Variants in PIEZO1 observed in about 807,000 individuals in gnomAD.
PIEZO1 encodes piezo type mechanosensitive ion channel component 1 (Er blood group).
A neutral mutation model predicts 297.2 loss-of-function variants in PIEZO1; 296 were observed. The ratio of observed to expected loss-of-function variants is 1.00; its 90% CI spans 0.91 to 1.10. The LOEUF (loss-of-function observed/expected upper bound fraction) is 1.10, where lower values mean the gene tolerates loss of function less well. PIEZO1 is among the 50% of genes least tolerant of loss of function. PIEZO1 has a pLI of 0.00. For missense variants in PIEZO1, 5,018 were observed against 3,455.5 expected (o/e 1.45, Z -11.34); for synonymous variants, 2,427 against 1,507.5 (o/e 1.61, Z -14.13).
At position 88,716,681 on chromosome 16, in the gene PIEZO1, C is replaced by T. The variant is rs371847339; in HGVS notation, c.6804G>A (p.Ala2268=). The T allele has an allele frequency of 1.0e-3, 1,543 of 1,549,000 alleles. 3 individuals are homozygous for T. The highest frequency in any genetic ancestry group is 1.2e-3 in the Non-Finnish European group (1,418 of 1,146,932). ...GCGCCCCGGAGCTGCCCTCAATCTG[C>T]GCCGTGACGATGTCCTCAGGGCTGT... ...SQYSPEDIVT[A]QIEGSSGALW... is the part of the protein sequence containing the mutation. The change falls in exon 47 of 51, where the codon GCG becomes GCA. Residue 2268 remains alanine, a synonymous_variant. Coordinates refer to ENST00000301015, the MANE Select transcript of PIEZO1 (RefSeq NM_001142864.4).
At position 88,734,902 on chromosome 16, in the gene PIEZO1, G is replaced by A. The variant is rs1224466457; in HGVS notation, c.1821C>T (p.Leu607=). The A allele has an allele frequency of 3.2e-6, 5 of 1,550,288 alleles. No individual in the cohort carries two copies. In the African/African-American group the frequency reaches 5.5e-5, roughly 17 times the overall value. The part of the protein sequence containing the change: ...LVVYKIVYMF[L]FLLCLTLFQV... ...GGAAGAGGGTGAGGCAGAGCAGGAA[G>A]AGGAACATGTAGACAATCTTGTAGA... is the stretch of plus-strand genomic sequence containing the variant. Residue 607 remains leucine (L), a synonymous_variant, in exon 14 of 51, where the codon CTC becomes CTT. Coordinates refer to ENST00000301015, the MANE Select transcript of PIEZO1 (RefSeq NM_001142864.4).
At chr16:88,759,636 C>T (rs1597478928) in intron 1 of PIEZO1, among the ~76,000 whole-genome samples, 1 of 152,228 alleles carries the variant, frequency 6.6e-6, no homozygotes, top group African/African-American at 2.4e-5. Flanking sequence ...TGGGCCTTCC[C>T]TGCCATGACC....
intron 16 of PIEZO1, 146 bp from the exon 17 acceptor site, chr16:88,734,200 G>A: frequency 8.2e-7 from 1 of 1,218,182 alleles, no homozygotes; most frequent in Non-Finnish European, 1.1e-6. Context: ...CACTGTCCCT[G>A]TGACCTCCAC....
rs1397370298 is a variant in PIEZO1, at chr16:88,721,311, G to T, written c.5523C>A (p.His1841Gln). 1.3e-6 allele frequency: 2 copies of T among 1,545,914 alleles called. No homozygotes were observed. The highest frequency in any genetic ancestry group is 2.4e-5 in the East Asian group (1 of 40,928). Residue 1841 changes from histidine (H) to glutamine (Q), a missense_variant, in exon 39 of 51, where the codon CAC becomes CAA. Coordinates refer to ENST00000301015, the MANE Select transcript of PIEZO1 (RefSeq NM_001142864.4). Reference protein sequence around the residue: ...PGVPAATTEDHIQVEARVGPT... With the variant: ...PGVPAATTEDQIQVEARVGPT... ...GTCCGACCCTGGCTTCCACCTGAAT[G>T]TGGTCTTCGGTGGTGGCCGCAGGCA...
Position 88,716,037 on chromosome 16 carries a change from C to A in PIEZO1, c.7212G>T (p.Trp2404Cys), listed in dbSNP as rs1911996775. ...TCCGGCACTCCTGCAGCTCGATGAC[C>A]CACCATTCGAGGAAGCCGGTGGCCC... ...GAGATGFLEW[W>C]VIELQECRTD... The change falls in exon 50 of 51, where the codon TGG (tryptophan) becomes TGT (cysteine). Residue 2404 changes from tryptophan (W) to cysteine (C), a missense_variant. Coordinates refer to ENST00000301015, the MANE Select transcript of PIEZO1 (RefSeq NM_001142864.4). 1 of 1,550,082 alleles carries A rather than the reference C, an allele frequency of 6.5e-7. No homozygotes were observed. The highest frequency in any genetic ancestry group is 1.4e-5 in the African/African-American group (1 of 73,042).
At chr16:88,746,371 C>T (rs528633111) in intron 2 of PIEZO1, among the ~76,000 whole-genome samples, 2 of 152,228 alleles carry the variant, frequency 1.3e-5, no homozygotes, top group Admixed American at 6.5e-5. Context: ...CTTCTGAGTC[C>T]CTAAATGACA....
At chr16:88,765,216 C>T (rs1181782124) in intron 1 of PIEZO1, among the ~76,000 whole-genome samples, 1 of 152,234 alleles carries the variant, frequency 6.6e-6, no homozygotes, top group Admixed American at 6.5e-5. Context: ...AGGAATGCAA[C>T]CTGGCCACCT....
intron 1 of PIEZO1, among the ~76,000 whole-genome samples, chr16:88,778,477 G>A (rs1231909381): frequency 6.6e-6 from 1 of 152,218 alleles, no homozygotes; most frequent in African/African-American, 2.4e-5. Context: ...CTGTAATTAT[G>A]CTATTAAAAC....
rs539005229 is a variant in PIEZO1, at chr16:88,738,323, G to A, written c.752C>T (p.Ala251Val). 361 of 1,535,852 alleles carry A rather than the reference G, an allele frequency of 2.4e-4. No individual in the cohort carries two copies. The highest frequency in any genetic ancestry group is 5.9e-4 in the East Asian group (24 of 40,920). Residue 251 changes from alanine to valine, a missense_variant, in exon 7 of 51, where the codon GCG (alanine) becomes GTG (valine). Coordinates refer to ENST00000301015, the MANE Select transcript of PIEZO1 (RefSeq NM_001142864.4). ...STRGFSRLCV[A>V]VGCFGAGHLI... ...ATGGCCGGCGCCGAAGCACCCCACC[G>A]CGACGCAGAGTCTGCTGAAGCCCCG... is the stretch of plus-strand genomic sequence containing the variant.
At chr16:88,771,691 G>C (rs144902407) in intron 1 of PIEZO1, among the ~76,000 whole-genome samples, 1 of 152,352 alleles carries the variant, frequency 6.6e-6, no homozygotes, top group Non-Finnish European at 1.5e-5. Flanking sequence ...TTGCAGAGGT[G>C]ACACTAGTGG....
chr16:88,722,450 G>C, intron 35 of PIEZO1, 53 bp from the exon 36 acceptor site: 1 of 1,458,210 alleles, frequency 6.9e-7, no homozygotes, highest in East Asian at 2.5e-5. Context: ...CTGACCCCAG[G>C]CTACAGGGAG....
intron 12 of PIEZO1, 84 bp from the exon 13 acceptor site, chr16:88,735,330 A>T: frequency 1.1e-6 from 1 of 937,048 alleles, no homozygotes. Flanking sequence ...CTCCTATAGC[A>T]GGGGGCAAGA....
At position 88,763,654 on chromosome 16, in the gene PIEZO1, G is replaced by C. The variant is rs534912169; in HGVS notation, c.65-14175C>G. Among the ~76,000 whole-genome samples, 3 of 152,328 alleles carry C rather than the reference G, an allele frequency of 2.0e-5. No individual in the cohort carries two copies. In the East Asian group the frequency reaches 5.8e-4, roughly 29 times the overall value. On this transcript the variant is annotated intron_variant, in intron 1 of 50. Coordinates refer to ENST00000301015, the MANE Select transcript of PIEZO1 (RefSeq NM_001142864.4). ...GGGCAGCACTGGGTAACAGCCGGTA[G>C]GTGCTCCCTGACACTCTCTGGCTGA...
Position 88,715,409 on chromosome 16 carries a change from GGCAGCGCCACGCAGGCCGTGGGGAC to G in PIEZO1, c.*171_*195del, listed in dbSNP as rs1488387079. 1.0e-6 allele frequency: 1 copy of G among 967,452 alleles called. No individual in the cohort carries two copies. The highest frequency in any genetic ancestry group is 1.6e-5 in the African/African-American group (1 of 61,064). 59.9% of individuals were successfully genotyped at this position (967,452 alleles called of 1,614,324 possible). A position where few individuals can be genotyped will look rare whatever the true frequency, so the allele number is the denominator to read the frequency against. The stretch of plus-strand genomic sequence containing the variant: ...AAACTCTACAGTACACGTGGGGGAC[GGCAGCGCCACGCAGGCCGTGGGGAC>G]GCAGTGTCCTTCTCTGACAGCAGCA... On this transcript the variant is annotated 3_prime_UTR_variant, in exon 51 of 51. Transcript: ENST00000301015.
chr16:88,760,697 G>A (rs1906891982), intron 1 of PIEZO1, among the ~76,000 whole-genome samples: 1 of 151,366 alleles, frequency 6.6e-6, no homozygotes, highest in Non-Finnish European at 1.5e-5. Context: ...CCCAAGCGGA[G>A]ACACCCGCCT....
Position 88,722,413 on chromosome 16 carries a change from G to T in PIEZO1, c.4776-16C>A, listed in dbSNP as rs186546228. 3 of 1,484,026 alleles carry T rather than the reference G, an allele frequency of 2.0e-6. No individual in the cohort carries two copies. In the East Asian group the frequency reaches 7.4e-5, roughly 37 times the overall value. The allele number at this position is 1,484,026 out of a possible 1,614,324, so 91.9% of individuals were successfully genotyped here. The stretch of plus-strand genomic sequence containing the variant: ...GCCCAGCCCACTGGGGAGGGAAGCC[G>T]AGTCACAGAGAATCCTGCTCTATGG... On this transcript the variant is annotated splice_polypyrimidine_tract_variant and intron_variant, in intron 35 of 50. Coordinates refer to ENST00000301015, the MANE Select transcript of PIEZO1 (RefSeq NM_001142864.4).
chr16:88,736,503 C>T (rs1461092506), intron 11 of PIEZO1, 95 bp from the exon 12 acceptor site: 5 of 601,452 alleles, frequency 8.3e-6, no homozygotes, highest in African/African-American at 3.8e-5. Context: ...AGCTGCCCAG[C>T]GCACCCCACC....
intron 42 of PIEZO1, 46 bp from the exon 43 acceptor site, chr16:88,720,006 G>C (rs114231479): frequency 6.5e-7 from 1 of 1,548,892 alleles, no homozygotes; most frequent in African/African-American, 1.4e-5. Context: ...AAACAGCCCC[G>C]CAGGGCCCCC....
rs200653120 is a variant in PIEZO1 at position 88,723,915 on chromosome 16, C to G, written c.4291G>C (p.Ala1431Pro). 5.0e-4 allele frequency: 770 copies of G among 1,549,680 alleles called. 4 individuals are homozygous for G. Among genetic ancestry groups the G allele is most frequent in the Non-Finnish European group, 4.4e-4 (499 of 1,146,230 alleles). The change falls in exon 31 of 51, where the codon GCT (alanine) becomes CCT (proline). Residue 1431 changes from alanine (A) to proline (P), a missense_variant. Physicochemically the swap from Ala to Pro is conservative, Grantham distance 27. Coordinates refer to ENST00000301015, the MANE Select transcript of PIEZO1 (RefSeq NM_001142864.4). Reference protein sequence around the residue: ...FESDSEEEEEAVPEDPRPSAQ... With the variant: ...FESDSEEEEEPVPEDPRPSAQ... ...GACGGCCTCGGGTCTTCAGGAACAGCCTCCTCCTCTTCCTCACTGTCGGAC... is the reference window on the plus strand; with the variant it reads ...GACGGCCTCGGGTCTTCAGGAACAGGCTCCTCCTCTTCCTCACTGTCGGAC...
Sources: allele counts gnomAD v4.1 joint callset (sites outside exome capture counted in the v4.1 genomes callset), GRCh38; gene constraint gnomAD v4.1.1; transcripts MANE v1.5; gene names NCBI Gene and HGNC (gene_info 2026-07-23, HGNC 2026-07-21).